Variants in DHRSX observed in about 807,000 individuals in gnomAD.
The protein encoded by DHRSX is dehydrogenase/reductase X-linked.
Under a neutral mutation model 34.0 loss-of-function variants are expected in DHRSX, and 31 were observed. That is an observed-to-expected ratio of 0.91 (90% confidence interval 0.69 to 1.23). The LOEUF (loss-of-function observed/expected upper bound fraction) is 1.23. Among genes scored for constraint, DHRSX ranks in the 50% most tolerant of loss-of-function variants. DHRSX has a pLI of 0.00. For missense variants in DHRSX, 414 were observed against 428.1 expected, an observed-to-expected ratio of 0.97 and a Z score of 0.29; for synonymous variants, 201 against 183.8, an observed-to-expected ratio of 1.09 and a Z score of -0.76.
At chrX:2,350,057 C>A (rs1197846822) in intron 3 of DHRSX, among the ~76,000 whole-genome samples, 1 of 149,424 alleles carries the variant, frequency 6.7e-6, no homozygotes, top group Non-Finnish European at 1.5e-5. Flanking sequence ...AAAAAAAGAA[C>A]GTAATTGGCC....
chrX:2,291,450 C>T lies in DHRSX; in HGVS notation c.388+52G>A. On this transcript the variant is annotated intron_variant, in intron 4 of 6. Transcript: ENST00000334651. ...TTCTCCCGCATGAAAGCTAGAGTTCCTGTTTGCATTCAAATTAACCCCTGG... is the reference window on the plus strand; with the variant it reads ...TTCTCCCGCATGAAAGCTAGAGTTCTTGTTTGCATTCAAATTAACCCCTGG... 3 of 1,386,856 alleles carry T rather than the reference C, an allele frequency of 2.2e-6. No homozygotes were observed. The South Asian group carries it at 3.5e-5, about 16-fold the overall frequency. The allele number at this position is 1,386,856 out of a possible 1,614,324, so 85.9% of individuals were successfully genotyped here.
chrX:2,428,849 C>T (rs1407092556), intron 1 of DHRSX, among the ~76,000 whole-genome samples: 1 of 152,136 alleles, frequency 6.6e-6, no homozygotes, highest in Non-Finnish European at 1.5e-5. Context: ...CTCCTCTCCC[C>T]CCAAAATAAT....
In DHRSX at chrX:2,395,005, C is replaced by T. The variant is rs976439174; in HGVS notation, c.286+13740G>A. ...AGGTGAGGACAAGTGGTCCGAGTTA[C>T]AGGTGATGGGGAGAGGTTCGAGTCC... is the stretch of plus-strand genomic sequence containing the variant. On this transcript the variant is annotated intron_variant, in intron 3 of 6. Transcript: ENST00000334651. Among the ~76,000 whole-genome samples, 43 of 151,722 alleles carry T rather than the reference C, an allele frequency of 2.8e-4. 3 individuals are homozygous for T. The highest frequency in any genetic ancestry group is 2.0e-3 in the Admixed American group (31 of 15,230).
chrX:2,313,515 A>T (rs62593070), intron 3 of DHRSX, among the ~76,000 whole-genome samples: 2 of 151,682 alleles, frequency 1.3e-5, no homozygotes, highest in African/African-American at 2.4e-5. Context: ...ACTACAGGCA[A>T]GCGCCACCAT....
chrX:2,289,335 C>T (rs2041840737), intron 4 of DHRSX, among the ~76,000 whole-genome samples: 2 of 152,126 alleles, frequency 1.3e-5, no homozygotes, highest in African/African-American at 4.8e-5. Context: ...TCAGGCTGGT[C>T]TGGAACCCCT....
intron 3 of DHRSX, among the ~76,000 whole-genome samples, chrX:2,330,111 AG>A (rs1309065644): frequency 9.9e-6 from 1 of 101,276 alleles, no homozygotes; most frequent in Non-Finnish European, 1.9e-5. Context: ...GGAGAGAGAG[AG>A]AGAGAGAGAG....
intron 3 of DHRSX, among the ~76,000 whole-genome samples, chrX:2,299,760 C>A (rs1271659869): frequency 6.6e-6 from 1 of 151,890 alleles, no homozygotes; most frequent in East Asian, 1.9e-4. Flanking sequence ...GAGGCTGAGG[C>A]AGGACAATCG....
At chrX:2,335,668 G>C (rs1357401957) in intron 3 of DHRSX, among the ~76,000 whole-genome samples, 1 of 151,898 alleles carries the variant, frequency 6.6e-6, no homozygotes, top group African/African-American at 2.4e-5. Flanking sequence ...AGGCCAGGAT[G>C]GTCTTGATCT....
chrX:2,276,184 T>G (rs1423232279), intron 4 of DHRSX, among the ~76,000 whole-genome samples: 1 of 152,222 alleles, frequency 6.6e-6, no homozygotes, highest in African/African-American at 2.4e-5. Context: ...CCAGTGGTTT[T>G]GGGCTACATG....
chrX:2,269,006 T>G (rs937281298), intron 4 of DHRSX, among the ~76,000 whole-genome samples: 9 of 152,260 alleles, frequency 5.9e-5, no homozygotes, highest in African/African-American at 2.2e-4. Flanking sequence ...CAAAGATGTA[T>G]TTCAATATGG....
chrX:2,249,930 A>G (rs1378617907), intron 5 of DHRSX, among the ~76,000 whole-genome samples: 2 of 151,778 alleles, frequency 1.3e-5, no homozygotes, highest in Non-Finnish European at 2.9e-5. Context: ...TTGGGAGGCC[A>G]AGGCTGGCAG....
rs2015487157 is a variant in DHRSX, at chrX:2,219,916, G to A, written c.*1125C>T. 6.6e-6 allele frequency: 1 copy of A among 152,196 alleles called. No individual in the cohort carries two copies. Among genetic ancestry groups the A allele is most frequent in the Non-Finnish European group, 1.5e-5 (1 of 68,030 alleles). 9.4% of individuals were successfully genotyped at this position (152,196 alleles called of 1,614,324 possible). A position where few individuals can be genotyped will look rare whatever the true frequency, so the allele number is the denominator to read the frequency against. On this transcript the variant is annotated 3_prime_UTR_variant, in exon 7 of 7. Coordinates refer to ENST00000334651, the MANE Select transcript of DHRSX (RefSeq NM_145177.3). Reference sequence around the variant, plus strand: ...TTCCTTGCCTGGCTGGTGAGTAAGAGTGAGCCTCTATACCAAGGATGTACC... The same window carrying A: ...TTCCTTGCCTGGCTGGTGAGTAAGAATGAGCCTCTATACCAAGGATGTACC...
At chrX:2,247,551 A>G (rs190673200) in intron 5 of DHRSX, among the ~76,000 whole-genome samples, 3,029 of 150,398 alleles carry the variant, frequency 0.02, 95 homozygotes, top group African/African-American at 0.069. Context: ...CTACTCGGGA[A>G]GCTGAGGCAG....
chrX:2,372,669 C>T, intron 3 of DHRSX, among the ~76,000 whole-genome samples: 1 of 150,840 alleles, frequency 6.6e-6, no homozygotes, highest in East Asian at 1.9e-4. Flanking sequence ...AGTGCAATGG[C>T]GCAACCTCGG....
chrX:2,386,552 G>C lies in DHRSX; in HGVS notation c.286+22193C>G, dbSNP rs767889315. On this transcript the variant is annotated intron_variant, in intron 3 of 6. Coordinates refer to ENST00000334651, the MANE Select transcript of DHRSX (RefSeq NM_145177.3). ...AAGAATTCATTAGGAACACTTGGTG[G>C]AAAGTTCTGACGGTTGAAATTTCAG... Among the ~76,000 whole-genome samples, 3 of 152,294 alleles carry C rather than the reference G, an allele frequency of 2.0e-5. No individual in the cohort carries two copies. In the South Asian group the frequency reaches 6.2e-4, roughly 32 times the overall value.
chrX:2,433,040 C>G (rs1263903322), intron 1 of DHRSX, among the ~76,000 whole-genome samples: 2 of 152,018 alleles, frequency 1.3e-5, no homozygotes, highest in Admixed American at 6.6e-5. Context: ...GGGAGGATCA[C>G]TTGAGCCCAA....
At chrX:2,335,214 G>T (rs2042540715) in intron 3 of DHRSX, among the ~76,000 whole-genome samples, 1 of 150,632 alleles carries the variant, frequency 6.6e-6, no homozygotes, top group East Asian at 1.9e-4. Flanking sequence ...AATTTATTTT[G>T]CCACAGTTGA....
At chrX:2,345,777 C>G (rs2042700949) in intron 3 of DHRSX, among the ~76,000 whole-genome samples, 2 of 152,058 alleles carry the variant, frequency 1.3e-5, no homozygotes, top group South Asian at 4.1e-4. Context: ...CTAATGTTAC[C>G]TGAGCCAGAA....
At chrX:2,490,093 G>C (rs1452457327) in intron 1 of DHRSX, 4 of 1,613,846 alleles carry the variant, frequency 2.5e-6, no homozygotes, top group Non-Finnish European at 3.4e-6. Flanking sequence ...GCGTGACGTA[G>C]GCGCGGTTCT....
Sources: gnomAD v4.1 joint callset for allele counts (sites outside exome capture counted in the v4.1 genomes callset) on GRCh38, gnomAD v4.1.1 for gene constraint, MANE v1.5 for transcripts, NCBI Gene and HGNC (gene_info 2026-07-23, HGNC 2026-07-21) for gene names.